The following NOL4 variants were observed in gnomAD, a reference collection of about 807,000 sequenced individuals.
NOL4 encodes the protein cancer/testis antigen 125.
In NOL4, 17 loss-of-function variants were observed where a neutral mutation model predicts 75.9. The ratio of observed to expected loss-of-function variants is 0.22; its 90% CI spans 0.15 to 0.34. NOL4 has a LOEUF of 0.34. Among genes scored for constraint, NOL4 ranks in the 10% least tolerant of loss-of-function variants. The pLI is 1.00. For synonymous variants in NOL4, 292 were observed against 289.9 expected (o/e 1.01, Z -0.07); for missense variants, 614 against 793.5 (o/e 0.77, Z 2.72).
intron 9 of NOL4, among the ~76,000 whole-genome samples, chr18:33,887,060 T>G (rs1046596922): frequency 5.0e-5 from 7 of 140,360 alleles, no homozygotes; most frequent in East Asian, 2.0e-4. Context: ...AATATATATC[T>G]ATATATAATA....
chr18:34,091,170 T>C lies in NOL4; in HGVS notation c.772+2295A>G, dbSNP rs1278941345. Reference sequence around the variant, plus strand: ...TTCAAAACCAGCCTGGCCAACATGGTGAAACCCCATCTCTACTAAAAATAC... The same window carrying C: ...TTCAAAACCAGCCTGGCCAACATGGCGAAACCCCATCTCTACTAAAAATAC... On this transcript the variant is annotated intron_variant, in intron 5 of 10. Transcript: ENST00000261592. 2.8e-5 allele frequency among the ~76,000 whole-genome samples: 4 copies of C among 142,216 alleles called. No individual in the cohort carries two copies. The South Asian group carries it at 6.9e-4, about 24-fold the overall frequency. The allele number at this position is 142,216 out of a possible 152,430, so 93.3% of individuals were successfully genotyped here. A position where few individuals can be genotyped will look rare whatever the true frequency, so the allele number is the denominator to read the frequency against.
intron 1 of NOL4, among the ~76,000 whole-genome samples, chr18:34,215,579 G>C (rs933209085): frequency 1.3e-5 from 2 of 152,174 alleles, no homozygotes; most frequent in Non-Finnish European, 2.9e-5. Context: ...AAGTTGTGCT[G>C]CTATCCATGG....
At chr18:34,125,366 A>G (rs1004730252) in intron 2 of NOL4, among the ~76,000 whole-genome samples, 3 of 152,212 alleles carry the variant, frequency 2.0e-5, no homozygotes, top group African/African-American at 4.8e-5. Context: ...GCCTATGCAC[A>G]AAGAGGCTAC....
chr18:34,206,840 A>C (rs965635202), intron 1 of NOL4, among the ~76,000 whole-genome samples: 3 of 151,930 alleles, frequency 2.0e-5, no homozygotes, highest in African/African-American at 7.3e-5. Flanking sequence ...CTATGATTCC[A>C]CTGGCACAAA....
At position 34,194,814 on chromosome 18, in the gene NOL4, C is replaced by T. The variant is rs964475363; in HGVS notation, c.264+28176G>A. 2.6e-5 allele frequency among the ~76,000 whole-genome samples: 4 copies of T among 152,088 alleles called. No individual in the cohort carries two copies. In the East Asian group the frequency reaches 5.8e-4, roughly 22 times the overall value. Reference sequence around the variant, plus strand: ...CCGAGGTGGGTGGATCACCTGAGGTCGGGAATTTGAGACCAGTCTGACCAA... The same window carrying T: ...CCGAGGTGGGTGGATCACCTGAGGTTGGGAATTTGAGACCAGTCTGACCAA... On this transcript the variant is annotated intron_variant, in intron 1 of 10. Transcript: ENST00000261592.
intron 8 of NOL4, among the ~76,000 whole-genome samples, chr18:33,944,762 C>T (rs2068726045): frequency 1.3e-5 from 2 of 151,752 alleles, no homozygotes; most frequent in East Asian, 1.9e-4. Context: ...TCAAATGAGG[C>T]AAATCTAAAA....
chr18:33,977,710 C>T (rs756275594), intron 6 of NOL4, among the ~76,000 whole-genome samples: 48 of 152,196 alleles, frequency 3.2e-4, no homozygotes, highest in Non-Finnish European at 4.4e-4. Context: ...ATTATGTTGA[C>T]GTCATGTGAC....
chr18:33,985,979 T>C (rs1201950378), intron 6 of NOL4, among the ~76,000 whole-genome samples: 1 of 152,136 alleles, frequency 6.6e-6, no homozygotes, highest in African/African-American at 2.4e-5. Flanking sequence ...GAAATGGTCA[T>C]AAACTTTTCA....
intron 8 of NOL4, among the ~76,000 whole-genome samples, chr18:33,946,195 T>G (rs2068824177): frequency 6.6e-6 from 1 of 151,672 alleles, no homozygotes; most frequent in Non-Finnish European, 1.5e-5. Flanking sequence ...AAAAATTATA[T>G]TTTAAATGTA....
intron 8 of NOL4, 65 bp from the exon 9 acceptor site, chr18:33,943,243 T>C: frequency 9.8e-7 from 1 of 1,024,290 alleles, no homozygotes; most frequent in African/African-American, 1.6e-5. Flanking sequence ...GCCAATGCTA[T>C]TCTCAGAAGA....
chr18:34,108,904 G>T (rs148377736), intron 2 of NOL4, among the ~76,000 whole-genome samples: 1 of 152,084 alleles, frequency 6.6e-6, no homozygotes, highest in Non-Finnish European at 1.5e-5. Flanking sequence ...TACTACTCAC[G>T]TGAACAGGGA....
intron 5 of NOL4, among the ~76,000 whole-genome samples, chr18:34,024,464 A>C (rs949224536): frequency 1.3e-5 from 2 of 151,936 alleles, no homozygotes; most frequent in African/African-American, 4.8e-5. Flanking sequence ...AAGAAAAAAA[A>C]TTAAAAATTC....
chr18:33,980,014 C>G (rs1014823618), intron 6 of NOL4, among the ~76,000 whole-genome samples: 2 of 152,044 alleles, frequency 1.3e-5, no homozygotes, highest in African/African-American at 4.8e-5. Context: ...GTGGTTTCCA[C>G]TCCAACATAT....
intron 1 of NOL4, among the ~76,000 whole-genome samples, chr18:34,167,092 A>AT (rs1193997900): frequency 6.7e-6 from 1 of 148,254 alleles, no homozygotes; most frequent in Non-Finnish European, 1.5e-5. Flanking sequence ...AGTAAAAAAA[A>AT]ATATATAGTA....
Position 33,916,165 on chromosome 18 carries a change from T to C in NOL4, c.1542+26900A>G, listed in dbSNP as rs571267318. Among the ~76,000 whole-genome samples the C allele has an allele frequency of 1.6e-4, 24 of 152,256 alleles. No homozygotes were observed. The South Asian group carries it at 3.5e-3, about 22-fold the overall frequency. On this transcript the variant is annotated intron_variant, in intron 9 of 10. Coordinates refer to ENST00000261592, the MANE Select transcript of NOL4 (RefSeq NM_003787.5). Reference sequence around the variant, plus strand: ...CATTTTTCAATTTTTTGGAGTGCTATGCTTCTATTTTCTGATTGGGGAAAG... The same window carrying C: ...CATTTTTCAATTTTTTGGAGTGCTACGCTTCTATTTTCTGATTGGGGAAAG...
intron 5 of NOL4, among the ~76,000 whole-genome samples, chr18:34,021,058 T>C (rs1354811371): frequency 1.3e-5 from 2 of 152,224 alleles, no homozygotes; most frequent in Non-Finnish European, 2.9e-5. Context: ...ATTCAAATTC[T>C]GAAAGAGTGA....
At chr18:33,919,388 C>T (rs1413607103) in intron 9 of NOL4, among the ~76,000 whole-genome samples, 1 of 152,090 alleles carries the variant, frequency 6.6e-6, no homozygotes, top group African/African-American at 2.4e-5. Flanking sequence ...TGGTGTTTAC[C>T]CCCTGAGCCT....
At position 34,132,736 on chromosome 18, in the gene NOL4, C is replaced by CAA. The variant is rs35140600; in HGVS notation, c.265-2718_265-2717dup. On this transcript the variant is annotated intron_variant, in intron 1 of 10. Transcript: ENST00000261592. ...CAACAAACCCAAAGTTTCAAAAACG[C>CAA]AAAAAAAAAAAAAAAGTAAATAGAC... 9.3e-4 allele frequency among the ~76,000 whole-genome samples: 99 copies of CAA among 106,630 alleles called. 3 individuals are homozygous for CAA. Among genetic ancestry groups the CAA allele is most frequent in the Middle Eastern group, 5.1e-3 (1 of 196 alleles). 70.0% of individuals were successfully genotyped at this position (106,630 alleles called of 152,430 possible).
At chr18:33,926,963 TA>T (rs1375800309) in intron 9 of NOL4, among the ~76,000 whole-genome samples, 9 of 152,232 alleles carry the variant, frequency 5.9e-5, no homozygotes. Context: ...ATTAAGTTTA[TA>T]GTTACAGCTA....
Sources: gnomAD v4.1 joint callset for allele counts (sites outside exome capture counted in the v4.1 genomes callset) on GRCh38, gnomAD v4.1.1 for gene constraint, MANE v1.5 for transcripts, NCBI Gene and HGNC (gene_info 2026-07-23, HGNC 2026-07-21) for gene names.